Variants in DLGAP1 observed in about 807,000 individuals in gnomAD.
DLGAP1 encodes disks large-associated protein 1.
Under a neutral mutation model 90.8 loss-of-function variants are expected in DLGAP1, and 11 were observed. The observed-to-expected ratio is 0.12, with a 90% CI of 0.08 to 0.20. The LOEUF (loss-of-function observed/expected upper bound fraction) is 0.20, where lower values mean the gene tolerates loss of function less well. Among genes scored for constraint, DLGAP1 ranks in the 10% least tolerant of loss-of-function variants. The pLI, the probability that DLGAP1 is intolerant of heterozygous loss-of-function variation, is 1.00. For synonymous variants in DLGAP1, 558 were observed against 540.7 expected (o/e 1.03, Z -0.44); for missense variants, 1,050 against 1,333.8 (o/e 0.79, Z 3.31).
chr18:3,750,121 T>C (rs1783588901), intron 5 of DLGAP1, among the ~76,000 whole-genome samples: 1 of 152,174 alleles, frequency 6.6e-6, no homozygotes, highest in South Asian at 2.1e-4. Flanking sequence ...CCTTGTCCCC[T>C]CCCTCCATCC....
intron 1 of DLGAP1, among the ~76,000 whole-genome samples, chr18:4,239,783 A>C (rs899125258): frequency 5.3e-5 from 8 of 152,184 alleles, no homozygotes; most frequent in African/African-American, 1.9e-4. Flanking sequence ...ATCTAAAATA[A>C]TATTTATTTG....
At chr18:3,641,201 A>C (rs2058925373) in intron 7 of DLGAP1, among the ~76,000 whole-genome samples, 1 of 151,776 alleles carries the variant, frequency 6.6e-6, no homozygotes, top group Admixed American at 6.6e-5. Flanking sequence ...TTAATACATA[A>C]TTATTAATTA....
chr18:3,570,281 AT>A (rs11326598), intron 8 of DLGAP1, among the ~76,000 whole-genome samples: 38,286 of 143,574 alleles, frequency 0.27, 5,957 homozygotes, highest in East Asian at 0.84. Context: ...TTTTTCCTAA[AT>A]TTTTTTTTTT....
chr18:3,942,612 G>T (rs2072791957), intron 3 of DLGAP1, among the ~76,000 whole-genome samples: 1 of 152,154 alleles, frequency 6.6e-6, no homozygotes, highest in Non-Finnish European at 1.5e-5. Context: ...CAAATAGAAT[G>T]GAAAAAACTG....
At chr18:3,669,985 A>G (rs1023302903) in intron 7 of DLGAP1, among the ~76,000 whole-genome samples, 1 of 152,162 alleles carries the variant, frequency 6.6e-6, no homozygotes, top group Admixed American at 6.5e-5. Context: ...ATGCTCCCCT[A>G]GAGGTATGCG....
chr18:4,237,365 A>G (rs959997840), intron 1 of DLGAP1, among the ~76,000 whole-genome samples: 1 of 152,122 alleles, frequency 6.6e-6, no homozygotes, highest in African/African-American at 2.4e-5. Flanking sequence ...TGGTATGATG[A>G]TAAGTCCTAG....
At chr18:4,030,701 G>A (rs1040642730) in intron 2 of DLGAP1, among the ~76,000 whole-genome samples, 7 of 152,162 alleles carry the variant, frequency 4.6e-5, no homozygotes, top group East Asian at 1.9e-4. Flanking sequence ...CGGGCAGACT[G>A]CTTGAGCCCA....
At chr18:4,324,589 C>G (rs1278035781) in intron 1 of DLGAP1, among the ~76,000 whole-genome samples, 2 of 151,970 alleles carry the variant, frequency 1.3e-5, no homozygotes, top group Non-Finnish European at 2.9e-5. Flanking sequence ...AGGCAATAAC[C>G]TTGATGAACA....
rs545797689 is a variant in DLGAP1 at position 4,399,370 on chromosome 18, G to A, written c.-267+55636C>T. On this transcript the variant is annotated intron_variant, in intron 1 of 12. Coordinates refer to ENST00000315677, the MANE Select transcript of DLGAP1 (RefSeq NM_004746.4). ...TACTAGTGTTTCAGGGTCTATTTAT[G>A]TGCATTTACCTTATATTAATTACAT... Among the ~76,000 whole-genome samples, 12 of 152,206 alleles carry A rather than the reference G, an allele frequency of 7.9e-5. No homozygotes were observed. The East Asian group carries it at 2.1e-3, about 27-fold the overall frequency.
intron 1 of DLGAP1, among the ~76,000 whole-genome samples, chr18:4,399,723 G>C (rs1023517437): frequency 1.2e-4 from 18 of 152,178 alleles, no homozygotes; most frequent in African/African-American, 4.3e-4. Context: ...TCTCCAGAGA[G>C]GCAGGTAGAG....
chr18:3,573,843 G>C (rs2054950264), intron 8 of DLGAP1, among the ~76,000 whole-genome samples: 1 of 152,082 alleles, frequency 6.6e-6, no homozygotes, highest in African/African-American at 2.4e-5. Flanking sequence ...CTGGCACTCA[G>C]GTATGTGCCA....
At chr18:3,849,572 T>G (rs974966482) in intron 4 of DLGAP1, among the ~76,000 whole-genome samples, 2 of 152,100 alleles carry the variant, frequency 1.3e-5, no homozygotes, top group African/African-American at 4.8e-5. Context: ...CTGCTATCAT[T>G]TCTCCCAATG....
chr18:4,158,323 T>C (rs1299817669), intron 1 of DLGAP1, among the ~76,000 whole-genome samples: 3 of 152,144 alleles, frequency 2.0e-5, no homozygotes, highest in Non-Finnish European at 4.4e-5. Context: ...TAAAAACTAG[T>C]AGAAAAAGTC....
chr18:4,110,721 G>T lies in DLGAP1; in HGVS notation c.-159+40459C>A, dbSNP rs140033900. On this transcript the variant is annotated intron_variant, in intron 2 of 12. Transcript: ENST00000315677. ...AGAGATCAGGATTCTGGGAACAAAA[G>T]AAAATTTTACTCCTTATTTTTTATT... Among the ~76,000 whole-genome samples the T allele has an allele frequency of 7.9e-5, 12 of 152,224 alleles. No individual in the cohort carries two copies. The East Asian group carries it at 2.3e-3, about 29-fold the overall frequency.
chr18:3,618,248 G>C (rs972514677), intron 7 of DLGAP1, among the ~76,000 whole-genome samples: 2 of 152,170 alleles, frequency 1.3e-5, no homozygotes, highest in Non-Finnish European at 2.9e-5. Context: ...CGCAGAGTCC[G>C]GCCTTTAAGG....
intron 5 of DLGAP1, among the ~76,000 whole-genome samples, chr18:3,809,374 A>C (rs1156750554): frequency 6.6e-6 from 1 of 152,212 alleles, no homozygotes; most frequent in African/African-American, 2.4e-5. Context: ...TTTAAATTTA[A>C]ATTTTTCCAA....
Position 3,608,333 on chromosome 18 carries a change from AAAAGAT to A in DLGAP1, c.1592-26091_1592-26086del, listed in dbSNP as rs200800610. ...AGTGAAACTCCATCTCAAAAAAAAA[AAAAGAT>A]GAGCTCACACTGGGGATGACGGGTG... On this transcript the variant is annotated intron_variant, in intron 7 of 12. Coordinates refer to ENST00000315677, the MANE Select transcript of DLGAP1 (RefSeq NM_004746.4). 728 of 129,940 alleles carry A rather than the reference AAAAGAT, an allele frequency of 5.6e-3. 4 individuals are homozygous for A. The highest frequency in any genetic ancestry group is 0.031 in the Middle Eastern group (7 of 226). The allele number at this position is 129,940 out of a possible 1,614,324, so 8.0% of individuals were successfully genotyped here.
At chr18:4,187,879 C>G (rs1161726984) in intron 1 of DLGAP1, among the ~76,000 whole-genome samples, 2 of 152,088 alleles carry the variant, frequency 1.3e-5, no homozygotes, top group East Asian at 3.9e-4. Context: ...CACCTGTAAT[C>G]CCAGCTATTT....
At chr18:4,172,339 T>A (rs1363362515) in intron 1 of DLGAP1, among the ~76,000 whole-genome samples, 1 of 152,226 alleles carries the variant, frequency 6.6e-6, no homozygotes, top group African/African-American at 2.4e-5. Flanking sequence ...ACTACATAAA[T>A]GCCAATGTTC....
Sources: allele counts gnomAD v4.1 joint callset (sites outside exome capture counted in the v4.1 genomes callset), GRCh38; gene constraint gnomAD v4.1.1; transcripts MANE v1.5; gene names NCBI Gene and HGNC (gene_info 2026-07-23, HGNC 2026-07-21).